The following LINGO2 variants were observed in gnomAD, a reference collection of about 807,000 sequenced individuals.
LINGO2 encodes the protein leucine rich repeat and Ig domain containing 2.
Under a neutral mutation model 30.6 loss-of-function variants are expected in LINGO2, and 14 were observed. The ratio of observed to expected loss-of-function variants is 0.46; its 90% confidence interval spans 0.30 to 0.72. The LOEUF is 0.72. Among genes scored for constraint, LINGO2 ranks in the 30% least tolerant of loss-of-function variants. The pLI is 0.07. For missense variants in LINGO2, 729 were observed against 751.7 expected (o/e 0.97, Z 0.35); for synonymous variants, 317 against 288.5 (o/e 1.10, Z -1.00).
chr9:29,112,073 A>G, the LINGO2 span, among the ~76,000 whole-genome samples: 164 of 151,818 alleles, frequency 1.1e-3, no homozygotes, highest in African/African-American at 3.8e-3. Flanking sequence ...TATAATATGT[A>G]TGATGTATTT....
the LINGO2 span, among the ~76,000 whole-genome samples, chr9:28,847,127 G>A: frequency 6.7e-6 from 1 of 148,182 alleles, no homozygotes; most frequent in East Asian, 2.0e-4. Flanking sequence ...AATCAGAGGG[G>A]TAGATGGCTG....
chr9:28,018,575 T>A (rs531341552), intron 4 of LINGO2, among the ~76,000 whole-genome samples: 1 of 152,026 alleles, frequency 6.6e-6, no homozygotes, highest in East Asian at 1.9e-4. Context: ...ATGCAGCTAA[T>A]AAGCATATGA....
chr9:29,120,134 T>G, the LINGO2 span, among the ~76,000 whole-genome samples: 1 of 152,166 alleles, frequency 6.6e-6, no homozygotes, highest in African/African-American at 2.4e-5. Flanking sequence ...ATTTGAGAAA[T>G]GCCAATATCC....
chr9:29,148,214 A>G, the LINGO2 span, among the ~76,000 whole-genome samples: 1 of 152,108 alleles, frequency 6.6e-6, no homozygotes, highest in African/African-American at 2.4e-5. Flanking sequence ...TCTTTTTAAA[A>G]ATAATTAATA....
chr9:28,023,727 T>A (rs1192480064), intron 4 of LINGO2, among the ~76,000 whole-genome samples: 1 of 152,162 alleles, frequency 6.6e-6, no homozygotes. Flanking sequence ...CAATGGTAAC[T>A]CTTCTTCTTC....
chr9:28,102,639 C>T (rs930946682), intron 4 of LINGO2, among the ~76,000 whole-genome samples: 24 of 151,960 alleles, frequency 1.6e-4, no homozygotes, highest in African/African-American at 5.6e-4. Flanking sequence ...AAGCCAAATT[C>T]AGATTTGACA....
At chr9:29,061,136 C>T in the LINGO2 span, among the ~76,000 whole-genome samples, 1 of 151,880 alleles carries the variant, frequency 6.6e-6, no homozygotes, top group Admixed American at 6.6e-5. Context: ...AAAAAATTGG[C>T]ACATCCAGTA....
intron 1 of LINGO2, among the ~76,000 whole-genome samples, chr9:28,649,734 T>C (rs2135965957): frequency 6.6e-6 from 1 of 151,636 alleles, no homozygotes; most frequent in East Asian, 1.9e-4. Flanking sequence ...AATCACTGGG[T>C]TGGGAATGGG....
At chr9:29,211,682 G>A in the LINGO2 span, among the ~76,000 whole-genome samples, 7 of 151,984 alleles carry the variant, frequency 4.6e-5, no homozygotes, top group Admixed American at 4.6e-4. Flanking sequence ...TGCTGAATGG[G>A]GAGACTTCAC....
intron 3 of LINGO2, among the ~76,000 whole-genome samples, chr9:28,346,311 C>T (rs115553030): frequency 3.0e-3 from 462 of 152,152 alleles, no homozygotes; most frequent in African/African-American, 0.011. Context: ...TATTCATTCC[C>T]GCATTGGTTT....
the LINGO2 span, among the ~76,000 whole-genome samples, chr9:28,993,231 C>T: frequency 6.6e-6 from 1 of 151,712 alleles, no homozygotes; most frequent in South Asian, 2.1e-4. Flanking sequence ...GAGAATACTA[C>T]AAACACCTCT....
chr9:28,396,710 A>AAAAAAAAAC, intron 2 of LINGO2, among the ~76,000 whole-genome samples: 1 of 149,122 alleles, frequency 6.7e-6, no homozygotes, highest in East Asian at 2.0e-4. Flanking sequence ...TCTCAAAAAA[A>AAAAAAAAAC]AAAAAAAAAA....
intron 5 of LINGO2, among the ~76,000 whole-genome samples, chr9:27,996,634 G>A (rs2778418): frequency 0.037 from 5,584 of 152,038 alleles, 324 homozygotes; most frequent in African/African-American, 0.13. Flanking sequence ...TTTAAAAAAA[G>A]GGGGGTTAGT....
At chr9:28,957,623 T>C in the LINGO2 span, among the ~76,000 whole-genome samples, 1 of 152,162 alleles carries the variant, frequency 6.6e-6, no homozygotes, top group Non-Finnish European at 1.5e-5. Flanking sequence ...GGAATATAAA[T>C]TTTGAATATA....
the LINGO2 span, among the ~76,000 whole-genome samples, chr9:29,025,098 G>A: frequency 6.6e-6 from 1 of 151,694 alleles, no homozygotes; most frequent in Non-Finnish European, 1.5e-5. Context: ...TCCTTTCACA[G>A]ATTGCAATCT....
intron 5 of LINGO2, among the ~76,000 whole-genome samples, chr9:27,953,943 C>T (rs1819441221): frequency 6.6e-6 from 1 of 152,038 alleles, no homozygotes; most frequent in Admixed American, 6.6e-5. Flanking sequence ...GTTGACAATA[C>T]TAACTTTTTG....
intron 4 of LINGO2, among the ~76,000 whole-genome samples, chr9:28,124,893 T>C (rs1399353406): frequency 6.6e-6 from 1 of 152,212 alleles, no homozygotes; most frequent in African/African-American, 2.4e-5. Context: ...CCAGTAATAA[T>C]ATAAGGGAAG....
chr9:28,785,670 A>G, the LINGO2 span, among the ~76,000 whole-genome samples: 3 of 52,162 alleles, frequency 5.8e-5, no homozygotes, highest in East Asian at 5.7e-3. Flanking sequence ...CTCTCTCTCC[A>G]CAAACACACA....
At chr9:28,645,045 C>T (rs1377613167) in intron 1 of LINGO2, among the ~76,000 whole-genome samples, 1 of 152,022 alleles carries the variant, frequency 6.6e-6, no homozygotes, top group African/African-American at 2.4e-5. Flanking sequence ...TAGAGAGTAT[C>T]TGTTAGTTTG....
Sources: gnomAD v4.1 joint callset for allele counts (sites outside exome capture counted in the v4.1 genomes callset) on GRCh38, gnomAD v4.1.1 for gene constraint, MANE v1.5 for transcripts, NCBI Gene and HGNC (gene_info 2026-07-23, HGNC 2026-07-21) for gene names.